Variants in LRP1B observed in about 807,000 individuals in gnomAD.
The protein encoded by LRP1B is low-density lipoprotein receptor-related protein 1B.
Under a neutral mutation model 556.6 loss-of-function variants are expected in LRP1B, and 217 were observed. That is an observed-to-expected ratio of 0.39 (90% CI 0.35 to 0.44). The LOEUF is 0.44. Ranked by LOEUF, LRP1B falls within the 20% of genes least tolerant of loss-of-function variation. The probability of loss-of-function intolerance (pLI) is 1.00; values close to 1 mark genes in which losing one functional copy is unlikely to be tolerated. For missense variants in LRP1B, 5,053 were observed against 5,620.8 expected (o/e 0.90, Z 3.23); for synonymous variants, 2,047 against 1,865.8 (o/e 1.10, Z -2.50).
At chr2:140,628,915 C>T (rs1219792355) in intron 41 of LRP1B, among the ~76,000 whole-genome samples, 2 of 152,104 alleles carry the variant, frequency 1.3e-5, no homozygotes, top group Non-Finnish European at 2.9e-5. Context: ...CCATATAGGC[C>T]ATGCCTTGCT....
At chr2:141,073,406 T>C (rs1489680308) in intron 7 of LRP1B, among the ~76,000 whole-genome samples, 1 of 152,082 alleles carries the variant, frequency 6.6e-6, no homozygotes, top group East Asian at 1.9e-4. Flanking sequence ...TGGCTTGTTT[T>C]TCCTCAGTTA....
chr2:141,166,467 T>G (rs1680264860), intron 7 of LRP1B, among the ~76,000 whole-genome samples: 1 of 151,406 alleles, frequency 6.6e-6, no homozygotes, highest in Admixed American at 6.6e-5. Flanking sequence ...ATATAATGCA[T>G]AACAATCATA....
chr2:142,067,238 C>G (rs760304709), intron 1 of LRP1B, among the ~76,000 whole-genome samples: 7 of 151,568 alleles, frequency 4.6e-5, no homozygotes, highest in Admixed American at 1.3e-4. Context: ...ATAATATCTG[C>G]AAAGTCCTTC....
Position 141,704,462 on chromosome 2 carries a change from T to G in LRP1B, c.205+105817A>C, listed in dbSNP as rs111249792. On this transcript the variant is annotated intron_variant, in intron 2 of 90. Coordinates refer to ENST00000389484, the MANE Select transcript of LRP1B (RefSeq NM_018557.3). ...TTATTCAACGTAACATATAAAACCC[T>G]CCATGTTCTTGAATTTGAAATTTAA... Among the ~76,000 whole-genome samples the G allele has an allele frequency of 5.9e-3, 897 of 152,038 alleles. 8 individuals are homozygous for G. The highest frequency in any genetic ancestry group is 0.021 in the African/African-American group (854 of 41,516).
intron 72 of LRP1B, among the ~76,000 whole-genome samples, chr2:140,363,870 TG>T (rs1404668350): frequency 6.6e-6 from 1 of 151,662 alleles, no homozygotes; most frequent in Non-Finnish European, 1.5e-5. Flanking sequence ...TTTATTTACC[TG>T]GTGTGCCACT....
At chr2:141,826,273 A>G (rs1487755953) in intron 1 of LRP1B, among the ~76,000 whole-genome samples, 1 of 151,478 alleles carries the variant, frequency 6.6e-6, no homozygotes, top group Non-Finnish European at 1.5e-5. Flanking sequence ...ATTTACCTTC[A>G]TATTGGTAAA....
chr2:142,071,258 C>A (rs1265183088), intron 1 of LRP1B, among the ~76,000 whole-genome samples: 3 of 151,926 alleles, frequency 2.0e-5, no homozygotes, highest in South Asian at 4.1e-4. Context: ...AAAGTCAGGG[C>A]TAATTAACTC....
chr2:140,770,813 C>G (rs1212384996), intron 34 of LRP1B, 68 bp downstream of exon 34: 1 of 1,363,672 alleles, frequency 7.3e-7, no homozygotes, highest in Non-Finnish European at 9.7e-7. Context: ...GGTTGCCTAA[C>G]ATCTGCATGG....
At chr2:141,608,140 C>T (rs1687982529) in intron 2 of LRP1B, among the ~76,000 whole-genome samples, 1 of 152,098 alleles carries the variant, frequency 6.6e-6, no homozygotes, top group Non-Finnish European at 1.5e-5. Context: ...AGGAGAATCG[C>T]TTGAACCCGG....
chr2:140,394,181 A>G (rs891269674), intron 66 of LRP1B, among the ~76,000 whole-genome samples: 24 of 78,636 alleles, frequency 3.1e-4, no homozygotes, highest in Middle Eastern at 9.6e-3. Flanking sequence ...TAACATTCTT[A>G]TTGTTTTAAT....
At chr2:140,979,353 A>T (rs1451592041) in intron 18 of LRP1B, among the ~76,000 whole-genome samples, 2 of 152,208 alleles carry the variant, frequency 1.3e-5, no homozygotes, top group Non-Finnish European at 2.9e-5. Flanking sequence ...TTTTAAAAAA[A>T]TAATTTTTAT....
chr2:140,723,223 C>T (rs1368165921), intron 35 of LRP1B, among the ~76,000 whole-genome samples: 1 of 152,086 alleles, frequency 6.6e-6, no homozygotes, highest in Non-Finnish European at 1.5e-5. Context: ...CATGAATTGT[C>T]AAGCTTTAGT....
intron 41 of LRP1B, among the ~76,000 whole-genome samples, chr2:140,628,537 G>GAA (rs71408464): frequency 0.45 from 62,696 of 137,966 alleles, 14,437 homozygotes; most frequent in East Asian, 0.65. Flanking sequence ...ACTCTGTCTC[G>GAA]AAAAAAAAAA....
intron 59 of LRP1B, among the ~76,000 whole-genome samples, chr2:140,479,789 T>G (rs1688154742): frequency 6.6e-6 from 1 of 152,234 alleles, no homozygotes; most frequent in African/African-American, 2.4e-5. Context: ...AAAGTTTTTC[T>G]TATGTGAATA....
At chr2:141,098,454 G>A (rs1202953453) in intron 7 of LRP1B, among the ~76,000 whole-genome samples, 2 of 152,136 alleles carry the variant, frequency 1.3e-5, no homozygotes, top group Non-Finnish European at 2.9e-5. Flanking sequence ...AGTAATGGTA[G>A]TAGAACATTA....
At chr2:140,421,221 C>T (rs1318553449) in intron 66 of LRP1B, among the ~76,000 whole-genome samples, 1 of 152,014 alleles carries the variant, frequency 6.6e-6, no homozygotes, top group Non-Finnish European at 1.5e-5. Flanking sequence ...CACCACTGCA[C>T]CTCAGCCTGG....
At chr2:140,524,560 G>T (rs2104962955) in intron 49 of LRP1B, among the ~76,000 whole-genome samples, 1 of 151,942 alleles carries the variant, frequency 6.6e-6, no homozygotes, top group Non-Finnish European at 1.5e-5. Flanking sequence ...ATGTCCATCA[G>T]TGGTGCACCG....
At chr2:141,421,256 C>T (rs1680127787) in intron 3 of LRP1B, among the ~76,000 whole-genome samples, 3 of 152,040 alleles carry the variant, frequency 2.0e-5, no homozygotes, top group African/African-American at 4.8e-5. Context: ...CGGCCGGGCG[C>T]GGTGGCTCAC....
intron 2 of LRP1B, among the ~76,000 whole-genome samples, chr2:141,651,875 C>T (rs908016154): frequency 2.6e-5 from 4 of 152,050 alleles, no homozygotes; most frequent in South Asian, 4.1e-4. Flanking sequence ...GTTAATTAAA[C>T]ATTTTAAATA....
Sources: allele counts gnomAD v4.1 joint callset (sites outside exome capture counted in the v4.1 genomes callset), GRCh38; gene constraint gnomAD v4.1.1; transcripts MANE v1.5; gene names NCBI Gene and HGNC (gene_info 2026-07-23, HGNC 2026-07-21).